The following XPR1 variants were observed in gnomAD, a reference collection of about 807,000 sequenced individuals.
XPR1 encodes solute carrier family 53 member 1.
A neutral mutation model predicts 87.5 loss-of-function variants in XPR1; 28 were observed. The ratio of observed to expected loss-of-function variants is 0.32; its 90% confidence interval spans 0.24 to 0.44. XPR1 has a LOEUF of 0.44. XPR1 is among the 20% of genes least tolerant of loss of function. XPR1 has a pLI of 1.00. For synonymous variants in XPR1, 300 were observed against 306.1 expected (o/e 0.98, Z 0.21); for missense variants, 559 against 862.3 (o/e 0.65, Z 4.41).
chr1:180,673,623 G>A (rs1042436547), intron 1 of XPR1, among the ~76,000 whole-genome samples: 2 of 152,192 alleles, frequency 1.3e-5, no homozygotes, highest in Admixed American at 1.3e-4. Flanking sequence ...ATCAGCAACG[G>A]CGTTAGATTC....
Position 180,693,042 on chromosome 1 carries a change from A to T in XPR1, c.121+10631A>T, listed in dbSNP as rs547745049. On this transcript the variant is annotated intron_variant, in intron 2 of 14. Transcript: ENST00000367590. ...GTCAAGTTTGAGAGAAGGTAATGAA[A>T]TAGGGAAGAGATAATGATAAAACAT... Among the ~76,000 whole-genome samples, 3 of 152,340 alleles carry T rather than the reference A, an allele frequency of 2.0e-5. No homozygotes were observed. The East Asian group carries it at 5.8e-4, about 29-fold the overall frequency.
chr1:180,811,128 G>A (rs916892249), intron 6 of XPR1, among the ~76,000 whole-genome samples: 2 of 151,628 alleles, frequency 1.3e-5, no homozygotes, highest in East Asian at 1.9e-4. Context: ...TTGATTCCTC[G>A]AGTGTAGAAT....
At chr1:180,690,934 A>C (rs1349998434) in intron 2 of XPR1, among the ~76,000 whole-genome samples, 1 of 151,648 alleles carries the variant, frequency 6.6e-6, no homozygotes, top group Non-Finnish European at 1.5e-5. Flanking sequence ...GTGTTTTAAA[A>C]ATTTTTCAAA....
chr1:180,704,639 T>A (rs1231783203), intron 2 of XPR1, among the ~76,000 whole-genome samples: 2 of 151,476 alleles, frequency 1.3e-5, no homozygotes, highest in African/African-American at 4.8e-5. Flanking sequence ...AATGATTAAA[T>A]TCTCATCTTT....
intron 3 of XPR1, among the ~76,000 whole-genome samples, chr1:180,792,219 C>T (rs1649414648): frequency 6.6e-6 from 1 of 152,144 alleles, no homozygotes; most frequent in African/African-American, 2.4e-5. Context: ...CACCTCCACC[C>T]ACTTATATCT....
At chr1:180,736,552 A>G (rs1261140753) in intron 2 of XPR1, among the ~76,000 whole-genome samples, 6 of 152,212 alleles carry the variant, frequency 3.9e-5, no homozygotes, top group Non-Finnish European at 8.8e-5. Context: ...ACCATGGTCT[A>G]GGGCTTGTTT....
At chr1:180,779,186 T>A (rs926462715) in intron 2 of XPR1, among the ~76,000 whole-genome samples, 2 of 149,428 alleles carry the variant, frequency 1.3e-5, no homozygotes, top group African/African-American at 4.9e-5. Context: ...CCAGAAAGGA[T>A]AGCCATCCAT....
At chr1:180,634,714 G>A (rs769416132) in intron 1 of XPR1, among the ~76,000 whole-genome samples, 9 of 151,948 alleles carry the variant, frequency 5.9e-5, no homozygotes, top group Non-Finnish European at 1.2e-4. Context: ...TTCTAGTATC[G>A]TGAATCAATG....
chr1:180,850,613 T>C (rs1285758428), intron 11 of XPR1, among the ~76,000 whole-genome samples: 2 of 152,182 alleles, frequency 1.3e-5, no homozygotes, highest in Non-Finnish European at 2.9e-5. Context: ...CCCATATGTA[T>C]GTACTACCTG....
chr1:180,764,979 G>A (rs1224779298), intron 2 of XPR1, among the ~76,000 whole-genome samples: 2 of 150,140 alleles, frequency 1.3e-5, no homozygotes, highest in Non-Finnish European at 3.0e-5. Flanking sequence ...TAGAGACGGG[G>A]TTTCACTGTT....
In XPR1 at chr1:180,632,121, T is replaced by G; in HGVS notation, c.-81T>G. The G allele has an allele frequency of 1.4e-4, 206 of 1,447,790 alleles. No homozygotes were observed. Among genetic ancestry groups the G allele is most frequent in the Non-Finnish European group, 1.8e-4 (188 of 1,052,336 alleles). 89.7% of individuals were successfully genotyped at this position (1,447,790 alleles called of 1,614,324 possible). A position where few individuals can be genotyped will look rare whatever the true frequency, so the allele number is the denominator to read the frequency against. ...CAGCGCCGCGCCGCGCCGGGGCCCA[T>G]GTGGGGAGGAGTCGGAGTCGCTGTT... On this transcript the variant is annotated 5_prime_UTR_variant, in exon 1 of 15. An upstream start codon of the reference 5' UTR is lost. Transcript: ENST00000367590.
rs759519823 is a variant in XPR1 at position 180,803,487 on chromosome 1, G to A, written c.323G>A (p.Arg108Gln). The A allele has an allele frequency of 8.7e-6, 14 of 1,613,968 alleles. 1 individual carries two copies. Among genetic ancestry groups the A allele is most frequent in the East Asian group, 4.5e-5 (2 of 44,878 alleles). The stretch of plus-strand genomic sequence containing the variant: ...GAAAGCACTGGTGTTACTACGCTGC[G>A]ACAACGCAGAAAGCCAGTCTTCCAC... ...QKESTGVTTL[R>Q]QRRKPVFHLS... The change falls in exon 4 of 15, where the codon CGA becomes CAA. Residue 108 changes from arginine to glutamine, a missense_variant. Physicochemically the swap from Arg to Gln is conservative, Grantham distance 43. Transcript: ENST00000367590.
At chr1:180,830,459 G>T (rs918358071) in intron 9 of XPR1, among the ~76,000 whole-genome samples, 1 of 152,122 alleles carries the variant, frequency 6.6e-6, no homozygotes, top group African/African-American at 2.4e-5. Flanking sequence ...TGACATCCAG[G>T]ATTGAGTCAT....
At chr1:180,646,160 C>T (rs1655113619) in intron 1 of XPR1, among the ~76,000 whole-genome samples, 1 of 152,176 alleles carries the variant, frequency 6.6e-6, no homozygotes, top group Non-Finnish European at 1.5e-5. Context: ...CTGTTTCATC[C>T]ATTTGTCTAG....
chr1:180,865,059 TATTCA>T (rs1652341943), intron 12 of XPR1, among the ~76,000 whole-genome samples: 1 of 152,170 alleles, frequency 6.6e-6, no homozygotes, highest in African/African-American at 2.4e-5. Flanking sequence ...GGATGTGTAA[TATTCA>T]ATTGGTAAGT....
At chr1:180,679,914 T>G (rs1211550853) in intron 1 of XPR1, among the ~76,000 whole-genome samples, 2 of 152,050 alleles carry the variant, frequency 1.3e-5, no homozygotes, top group Admixed American at 1.3e-4. Flanking sequence ...CTACAAAGCT[T>G]CTGGACAGCA....
chr1:180,739,990 G>A (rs553875943), intron 2 of XPR1, among the ~76,000 whole-genome samples: 22 of 152,200 alleles, frequency 1.4e-4, no homozygotes, highest in African/African-American at 4.6e-4. Flanking sequence ...GGGATTACAG[G>A]TGTGAGCCAC....
intron 2 of XPR1, among the ~76,000 whole-genome samples, chr1:180,777,435 CCTCAGATAGACTGTAGA>C (rs1648766666): frequency 6.6e-6 from 1 of 152,076 alleles, no homozygotes; most frequent in Non-Finnish European, 1.5e-5. Context: ...AAGTTTTTTT[CCTCAGATAGACTGTAGA>C]CTGTAATGTC....
chr1:180,691,472 G>C (rs150525409), intron 2 of XPR1, among the ~76,000 whole-genome samples: 3 of 152,046 alleles, frequency 2.0e-5, no homozygotes, highest in Non-Finnish European at 4.4e-5. Flanking sequence ...GCTAATGTTA[G>C]CTTAATTCAT....
Sources: gnomAD v4.1 joint callset for allele counts (sites outside exome capture counted in the v4.1 genomes callset) on GRCh38, gnomAD v4.1.1 for gene constraint, MANE v1.5 for transcripts, NCBI Gene and HGNC (gene_info 2026-07-23, HGNC 2026-07-21) for gene names.